The following ALPK1 variants were observed in gnomAD, a reference collection of about 807,000 sequenced individuals.
The protein encoded by ALPK1 is alpha kinase 1, also known as alpha-protein kinase 1.
In ALPK1, 110 loss-of-function variants were observed where a neutral mutation model predicts 120.6. The ratio of observed to expected loss-of-function variants is 0.91; its 90% CI spans 0.78 to 1.07. The LOEUF (loss-of-function observed/expected upper bound fraction) is 1.07. Among genes scored for constraint, ALPK1 ranks in the 50% least tolerant of loss-of-function variants. The pLI is 0.00. For synonymous variants in ALPK1, 582 were observed against 560.3 expected, an observed-to-expected ratio of 1.04 and a Z score of -0.55; for missense variants, 1,498 against 1,483.9, an observed-to-expected ratio of 1.01 and a Z score of -0.16.
At chr4:112,359,162 C>A in intron 2 of ALPK1, 1 of 644,320 alleles carries the variant, frequency 1.6e-6, no homozygotes, top group Non-Finnish European at 2.9e-6. Context: ...TCAACCAGGG[C>A]AGGCCCCACC....
At chr4:112,315,097 G>T (rs576841233) in intron 1 of ALPK1, among the ~76,000 whole-genome samples, 1 of 151,948 alleles carries the variant, frequency 6.6e-6, no homozygotes, top group South Asian at 2.1e-4. Context: ...GTCCAGACTG[G>T]TCTTGAACTC....
At chr4:112,323,157 C>T (rs1544382) in intron 2 of ALPK1, among the ~76,000 whole-genome samples, 67,137 of 152,062 alleles carry the variant, frequency 0.44, 16,775 homozygotes, top group African/African-American at 0.65. Flanking sequence ...TCAGAGCCTA[C>T]CCCTTTCACT....
At chr4:112,398,814 T>C (rs1375566389) in intron 4 of ALPK1, among the ~76,000 whole-genome samples, 1 of 152,072 alleles carries the variant, frequency 6.6e-6, no homozygotes, top group Non-Finnish European at 1.5e-5. Context: ...GGTCAGATCT[T>C]ACACGTATTT....
chr4:112,423,266 C>G (rs1167246464), intron 5 of ALPK1, among the ~76,000 whole-genome samples: 1 of 152,086 alleles, frequency 6.6e-6, no homozygotes, highest in African/African-American at 2.4e-5. Context: ...TACAAAAACT[C>G]TGATGTGGTA....
chr4:112,425,757 A>G lies in ALPK1; in HGVS notation c.622+6A>G, dbSNP rs577907136. The G allele has an allele frequency of 6.2e-7, 1 of 1,607,940 alleles. No homozygotes were observed. The highest frequency in any genetic ancestry group is 1.1e-5 in the South Asian group (1 of 90,250). On this transcript the variant is annotated splice_donor_region_variant and intron_variant, in intron 7 of 15. Transcript: ENST00000650871. Reference sequence around the variant, plus strand: ...GCAGATTCTGCAAAAGCTGGGTACAATCATGTAAAACTTGCATTTCTCAAG... The same window carrying G: ...GCAGATTCTGCAAAAGCTGGGTACAGTCATGTAAAACTTGCATTTCTCAAG...
At chr4:112,412,993 A>G (rs1452578625) in intron 5 of ALPK1, among the ~76,000 whole-genome samples, 1 of 152,248 alleles carries the variant, frequency 6.6e-6, no homozygotes, top group African/African-American at 2.4e-5. Flanking sequence ...GCCCAAGTTC[A>G]TTTACGCTCA....
intron 5 of ALPK1, among the ~76,000 whole-genome samples, chr4:112,421,866 G>A (rs1210649218): frequency 1.3e-5 from 2 of 152,210 alleles, no homozygotes; most frequent in African/African-American, 2.4e-5. Context: ...AGCAACTTTG[G>A]CATATGAATT....
In ALPK1 at chr4:112,382,393, T is replaced by A. The variant is rs1560662997; in HGVS notation, c.122-5T>A. 1.9e-6 allele frequency: 3 copies of A among 1,613,000 alleles called. No homozygotes were observed. The Admixed American group carries it at 5.0e-5, about 27-fold the overall frequency. On this transcript the variant is annotated splice_polypyrimidine_tract_variant and splice_region_variant and intron_variant, in intron 3 of 15. Transcript: ENST00000650871. Reference sequence around the variant, plus strand: ...ATTTCCTTACCTGAACTCTGACCTTTTCAGCTTTACTCCCCAGCGAGTTAA... The same window carrying A: ...ATTTCCTTACCTGAACTCTGACCTTATCAGCTTTACTCCCCAGCGAGTTAA...
intron 5 of ALPK1, among the ~76,000 whole-genome samples, chr4:112,419,233 C>A (rs754230008): frequency 6.6e-6 from 1 of 152,080 alleles, no homozygotes; most frequent in South Asian, 2.1e-4. Context: ...AAATTTAATT[C>A]GACTGTAAGC....
intron 4 of ALPK1, among the ~76,000 whole-genome samples, chr4:112,386,144 C>A (rs1400441218): frequency 6.6e-6 from 1 of 152,106 alleles, no homozygotes; most frequent in Non-Finnish European, 1.5e-5. Context: ...AAAAATGATA[C>A]ATGTTTTGTG....
intron 5 of ALPK1, chr4:112,414,657 TG>T (rs1338504661): frequency 6.1e-6 from 1 of 164,840 alleles, no homozygotes; most frequent in African/African-American, 2.4e-5. Context: ...ACCTCACTCT[TG>T]CCTGAAATTG....
chr4:112,354,430 G>A (rs1262625190), intron 2 of ALPK1, among the ~76,000 whole-genome samples: 1 of 151,880 alleles, frequency 6.6e-6, no homozygotes, highest in Non-Finnish European at 1.5e-5. Flanking sequence ...TATATGTAAG[G>A]TCAATTTTTC....
chr4:112,354,866 C>T (rs901963914), intron 2 of ALPK1, among the ~76,000 whole-genome samples: 5 of 152,170 alleles, frequency 3.3e-5, no homozygotes, highest in Non-Finnish European at 7.4e-5. Context: ...GTGCTCTCCT[C>T]ATTATTTTTC....
At chr4:112,330,608 C>A (rs1455806373) in intron 2 of ALPK1, among the ~76,000 whole-genome samples, 2 of 152,196 alleles carry the variant, frequency 1.3e-5, no homozygotes, top group East Asian at 3.8e-4. Context: ...TTCCTGGACC[C>A]ATGTGGCCTG....
At chr4:112,413,962 A>G (rs758328775) in intron 5 of ALPK1, among the ~76,000 whole-genome samples, 2 of 152,234 alleles carry the variant, frequency 1.3e-5, no homozygotes, top group Non-Finnish European at 2.9e-5. Flanking sequence ...AAAGACAAAT[A>G]TAACCTCAGA....
Position 112,438,595 on chromosome 4 carries a change from T to C in ALPK1, c.3300T>C (p.Tyr1100=). ...HYVTEFNKRL[Y]EQNIPTQIFY... Reference sequence around the variant, plus strand: ...TGACAGAATTTAACAAGAGACTCTATGAACAAAACATTCCCACCCAGATAT... The same window carrying C: ...TGACAGAATTTAACAAGAGACTCTACGAACAAAACATTCCCACCCAGATAT... Residue 1100 remains tyrosine, a synonymous_variant, in exon 13 of 16, where the codon TAT becomes TAC. Transcript: ENST00000650871. 4 of 1,613,916 alleles carry C rather than the reference T, an allele frequency of 2.5e-6. No individual in the cohort carries two copies. The highest frequency in any genetic ancestry group is 2.5e-6 in the Non-Finnish European group (3 of 1,179,810).
intron 2 of ALPK1, among the ~76,000 whole-genome samples, chr4:112,368,216 C>G (rs1731243369): frequency 6.6e-6 from 1 of 152,184 alleles, no homozygotes; most frequent in Admixed American, 6.5e-5. Context: ...CTGATCCCCA[C>G]CTAGAGTGAA....
chr4:112,422,291 G>A (rs1458669243), intron 5 of ALPK1, among the ~76,000 whole-genome samples: 1 of 152,142 alleles, frequency 6.6e-6, no homozygotes, highest in Non-Finnish European at 1.5e-5. Context: ...GGACAGAGGG[G>A]ACTACTGTAG....
intron 2 of ALPK1, among the ~76,000 whole-genome samples, chr4:112,319,128 T>C (rs1028495888): frequency 1.3e-5 from 2 of 152,170 alleles, no homozygotes; most frequent in African/African-American, 2.4e-5. Flanking sequence ...AAGACCAGCC[T>C]GGAGGCTAGT....
Sources: allele counts gnomAD v4.1 joint callset (sites outside exome capture counted in the v4.1 genomes callset), GRCh38; gene constraint gnomAD v4.1.1; transcripts MANE v1.5; gene names NCBI Gene and HGNC (gene_info 2026-07-23, HGNC 2026-07-21).